PIK3R2: variants seen among roughly 807,000 people sequenced by gnomAD.
The protein encoded by PIK3R2 is phosphatidylinositol 3-kinase regulatory subunit beta.
In PIK3R2, 40 loss-of-function variants were observed where a neutral mutation model predicts 78.5. The observed-to-expected ratio is 0.51, with a 90% CI of 0.40 to 0.66. PIK3R2 has a LOEUF of 0.66. PIK3R2 is among the 30% of genes least tolerant of loss of function. The pLI, the probability that PIK3R2 is intolerant of heterozygous loss-of-function variation, is 0.00. For synonymous variants in PIK3R2, 473 were observed against 457.7 expected, an observed-to-expected ratio of 1.03 and a Z score of -0.43; for missense variants, 880 against 1,026.6, an observed-to-expected ratio of 0.86 and a Z score of 1.95.
Position 18,161,196 on chromosome 19 carries a change from C to A in PIK3R2, c.598+11C>A, listed in dbSNP as rs749574353. ...GCCGGGCCCTGCGGGGTGAGCCTGG[C>A]GGGTAGCCCGGGGGAAGGAGGGGGC... is the stretch of plus-strand genomic sequence containing the variant. On this transcript the variant is annotated intron_variant, in intron 5 of 15. Transcript: ENST00000222254. This position sits in a 1 kb window ranked among gnomAD's most constrained non-coding sequence, Gnocchi z 5.3. 1.9e-6 allele frequency: 3 copies of A among 1,540,874 alleles called. No homozygotes were observed. Among genetic ancestry groups the A allele is most frequent in the Non-Finnish European group, 2.6e-6 (3 of 1,143,414 alleles).
intron 3 of PIK3R2, 21 bp from the exon 4 acceptor site, chr19:18,160,898 G>A (rs751803439): frequency 1.9e-6 from 3 of 1,598,754 alleles, no homozygotes; most frequent in African/African-American, 1.3e-5. Context: ...GAGCTGACTC[G>A]CCTGTCCCCT....
Position 18,167,756 on chromosome 19 carries a change from T to C in PIK3R2, c.1736+450T>C, listed in dbSNP as rs1243851371. Among the ~76,000 whole-genome samples the C allele has an allele frequency of 6.6e-6, 1 of 151,914 alleles. No homozygotes were observed. The highest frequency in any genetic ancestry group is 1.5e-5 in the Non-Finnish European group (1 of 68,002). ...GGTGGGCGCCTGTAATCCCAGTTACTCAAGAGGCTGAGGCAGGAGAATCAC... is the reference window on the plus strand; with the variant it reads ...GGTGGGCGCCTGTAATCCCAGTTACCCAAGAGGCTGAGGCAGGAGAATCAC... On this transcript the variant is annotated intron_variant, in intron 13 of 15. Transcript: ENST00000222254. This position sits in a 1 kb window ranked among gnomAD's most constrained non-coding sequence, Gnocchi z 4.5.
In PIK3R2 at chr19:18,168,840, T is replaced by A. The variant is rs749442076; in HGVS notation, c.1923T>A (p.Asp641Glu). The change falls in exon 15 of 16, where the codon GAT (aspartate) becomes GAA (glutamate). Residue 641 changes from aspartate to glutamate, a missense_variant. Asp to Glu is a conservative substitution (Grantham distance 45). Transcript: ENST00000222254. This position sits in a 1 kb window ranked among gnomAD's most constrained non-coding sequence, Gnocchi z 4.1. Reference sequence around the variant, plus strand: ...AGGAGATGCTGAGTGGCAAGCGGGATGGCACCTTCCTCATCCGCGAGAGCA... The same window carrying A: ...AGGAGATGCTGAGTGGCAAGCGGGAAGGCACCTTCCTCATCCGCGAGAGCA... ...QAEEMLSGKR[D>E]GTFLIRESSQ... is the part of the protein sequence containing the mutation. 6.2e-7 allele frequency: 1 copy of A among 1,613,816 alleles called. No individual in the cohort carries two copies. The highest frequency in any genetic ancestry group is 2.2e-5 in the East Asian group (1 of 44,858).
Position 18,160,930 on chromosome 19 carries a change from G to A in PIK3R2, c.427G>A (p.Glu143Lys), listed in dbSNP as rs561325993. 3.7e-6 allele frequency: 6 copies of A among 1,610,590 alleles called. No homozygotes were observed. Among genetic ancestry groups the A allele is most frequent in the South Asian group, 3.3e-5 (3 of 90,476 alleles). The stretch of plus-strand genomic sequence containing the variant: ...CCCTTCACCCCCAGGGCTGGACAGC[G>A]AATCTCACTACCGCCCGGAGCTGCC... ...EAIERTGLDSESHYRPELPAP... is the reference protein window; with the variant it reads ...EAIERTGLDSKSHYRPELPAP... Residue 143 changes from glutamate (E) to lysine (K), a missense_variant, in exon 4 of 16, where the codon GAA (glutamate) becomes AAA (lysine). By Grantham distance (56) the Glu-to-Lys change is moderately conservative. This residue lies in a region of PIK3R2 where 456 missense variants were observed against 486.6 expected (regional missense o/e 0.94). Coordinates refer to ENST00000222254, the MANE Select transcript of PIK3R2 (RefSeq NM_005027.4).
rs2043747579 is a variant in PIK3R2 at position 18,161,593 on chromosome 19, G to A, written c.815+98G>A. Reference sequence around the variant, plus strand: ...GAGCGGCGTCTAGACCCTAAGAAGGGAGGGGATGGGGTCCAGAGTGAGAAG... The same window carrying A: ...GAGCGGCGTCTAGACCCTAAGAAGGAAGGGGATGGGGTCCAGAGTGAGAAG... On this transcript the variant is annotated intron_variant, in intron 6 of 15. Transcript: ENST00000222254. This position sits in a 1 kb window ranked among gnomAD's most constrained non-coding sequence, Gnocchi z 5.3. The A allele has an allele frequency of 2.2e-6, 1 of 460,770 alleles. No homozygotes were observed. Among genetic ancestry groups the A allele is most frequent in the East Asian group, 4.1e-5 (1 of 24,318 alleles). The allele number at this position is 460,770 out of a possible 1,614,324, so 28.5% of individuals were successfully genotyped here. A position where few individuals can be genotyped will look rare whatever the true frequency, so the allele number is the denominator to read the frequency against.
Position 18,167,799 on chromosome 19 carries a change from GT to G in PIK3R2, c.1736+496del, listed in dbSNP as rs2043824666. Among the ~76,000 whole-genome samples the G allele has an allele frequency of 6.6e-6, 1 of 152,124 alleles. No individual in the cohort carries two copies. The highest frequency in any genetic ancestry group is 1.5e-5 in the Non-Finnish European group (1 of 68,016). On this transcript the variant is annotated intron_variant, in intron 13 of 15. Transcript: ENST00000222254. The surrounding 1 kb of genome is among the most constrained non-coding windows in gnomAD (Gnocchi z 4.5). Reference sequence around the variant, plus strand: ...AGAATCACTTGAACGGGGAGGTGGAGTTTGCAGTGAGCAGAGATTATGCCAA... The same window carrying G: ...AGAATCACTTGAACGGGGAGGTGGAGTTGCAGTGAGCAGAGATTATGCCAA...
intron 12 of PIK3R2, among the ~76,000 whole-genome samples, chr19:18,166,659 G>A (rs994592889): frequency 7.6e-5 from 11 of 145,212 alleles, no homozygotes; most frequent in Admixed American, 1.4e-4. Context: ...GCAGTGAGCC[G>A]AGATTGCACC....
At position 18,156,743 on chromosome 19, in the gene PIK3R2, G is replaced by A. The variant is rs924540298; in HGVS notation, c.322+542G>A. Among the ~76,000 whole-genome samples the A allele has an allele frequency of 3.3e-5, 5 of 152,152 alleles. No individual in the cohort carries two copies. Among genetic ancestry groups the A allele is most frequent in the African/African-American group, 1.2e-4 (5 of 41,406 alleles). On this transcript the variant is annotated intron_variant, in intron 2 of 15. Coordinates refer to ENST00000222254, the MANE Select transcript of PIK3R2 (RefSeq NM_005027.4). The surrounding 1 kb of genome is among the most constrained non-coding windows in gnomAD (Gnocchi z 4.2). The stretch of plus-strand genomic sequence containing the variant: ...TGAAGCCACAAGGAGGGTAGGATGT[G>A]GGCTGCTCAGCTGAGGCCACACAGC...
chr19:18,167,151 G>T lies in PIK3R2; in HGVS notation c.1581G>T (p.Arg527=), dbSNP rs1224981567. Reference sequence around the variant, plus strand: ...ACAGGATCCTGCTGAACTCCGAGCGGCTCAAGTCCCGCATTGCCGAGATCC... The same window carrying T: ...ACAGGATCCTGCTGAACTCCGAGCGTCTCAAGTCCCGCATTGCCGAGATCC... ...EMQRILLNSE[R]LKSRIAEIHE... Residue 527 remains arginine, a synonymous_variant, in exon 13 of 16, where the codon CGG becomes CGT. Coordinates refer to ENST00000222254, the MANE Select transcript of PIK3R2 (RefSeq NM_005027.4). This position sits in a 1 kb window ranked among gnomAD's most constrained non-coding sequence, Gnocchi z 4.5. The T allele has an allele frequency of 6.3e-7, 1 of 1,598,458 alleles. No individual in the cohort carries two copies. Among genetic ancestry groups the T allele is most frequent in the Non-Finnish European group, 8.5e-7 (1 of 1,171,786 alleles).
Position 18,168,777 on chromosome 19 carries a change from C to G in PIK3R2, c.1860C>G (p.Arg620=). The part of the protein sequence containing the change: ...DEDDLPHHEE[R]TWYVGKINRT... ...ACGATCTCCCGCACCACGAGGAACG[C>G]ACTTGGTACGTGGGCAAGATCAACC... The change falls in exon 15 of 16, where the codon CGC becomes CGG. Residue 620 remains arginine (R), a synonymous_variant. Transcript: ENST00000222254. The surrounding 1 kb of genome is among the most constrained non-coding windows in gnomAD (Gnocchi z 4.1). 6.2e-7 allele frequency: 1 copy of G among 1,613,950 alleles called. No homozygotes were observed. Among genetic ancestry groups the G allele is most frequent in the South Asian group, 1.1e-5 (1 of 91,082 alleles).
Position 18,156,155 on chromosome 19 carries a change from C to T in PIK3R2, c.276C>T (p.Gly92=), listed in dbSNP as rs912422485. 6.9e-7 allele frequency: 1 copy of T among 1,454,458 alleles called. No individual in the cohort carries two copies. The highest frequency in any genetic ancestry group is 9.0e-7 in the Non-Finnish European group (1 of 1,108,162). 90.1% of individuals were successfully genotyped at this position (1,454,458 alleles called of 1,614,324 possible). ...CCCGGCCCGGCCCTCGCCCACGGGG[C>T]CCCCGCCCACTGCCCGCCAGGCCCC... is the stretch of plus-strand genomic sequence containing the variant. The part of the protein sequence containing the change: ...ALARPGPRPR[G]PRPLPARPRD... Residue 92 remains glycine (G), a synonymous_variant, in exon 2 of 16, where the codon GGC becomes GGT. Transcript: ENST00000222254. This position sits in a 1 kb window ranked among gnomAD's most constrained non-coding sequence, Gnocchi z 4.2.
intron 11 of PIK3R2, among the ~76,000 whole-genome samples, chr19:18,164,329 C>T (rs2043784623): frequency 6.6e-6 from 1 of 151,852 alleles, no homozygotes; most frequent in African/African-American, 2.4e-5. Flanking sequence ...CTTATGTCCC[C>T]TTCAACCAAG....
At position 18,168,416 on chromosome 19, in the gene PIK3R2, C is replaced by T. The variant is rs1310504289; in HGVS notation, c.1737-59C>T. On this transcript the variant is annotated intron_variant, in intron 13 of 15. Coordinates refer to ENST00000222254, the MANE Select transcript of PIK3R2 (RefSeq NM_005027.4). The surrounding 1 kb of genome is among the most constrained non-coding windows in gnomAD (Gnocchi z 4.1). ...AGACCCTGCCTCCCACCGGACAGGC[C>T]CACTGTGGGCTCAGCACCCACACAA... 3 of 758,352 alleles carry T rather than the reference C, an allele frequency of 4.0e-6. No homozygotes were observed. The highest frequency in any genetic ancestry group is 3.4e-5 in the African/African-American group (2 of 58,814). The allele number at this position is 758,352 out of a possible 1,614,324, so 47.0% of individuals were successfully genotyped here. A position where few individuals can be genotyped will look rare whatever the true frequency, so the allele number is the denominator to read the frequency against.
Position 18,168,990 on chromosome 19 carries a change from T to C in PIK3R2, c.1979+94T>C. 2.6e-6 allele frequency: 4 copies of C among 1,558,606 alleles called. No individual in the cohort carries two copies. Among genetic ancestry groups the C allele is most frequent in the Non-Finnish European group, 2.6e-6 (3 of 1,142,380 alleles). ...CCAGGCCTTGGGAAGGAGTCCCTGG[T>C]GGGGTCATCCGGGACAGGGGAGCAC... On this transcript the variant is annotated intron_variant, in intron 15 of 15. Coordinates refer to ENST00000222254, the MANE Select transcript of PIK3R2 (RefSeq NM_005027.4). The surrounding 1 kb of genome is among the most constrained non-coding windows in gnomAD (Gnocchi z 4.1).
At chr19:18,160,991 G>A (rs2147949915) in intron 4 of PIK3R2, 22 bp downstream of exon 4, 1 of 1,612,780 alleles carries the variant, frequency 6.2e-7, no homozygotes, top group South Asian at 1.1e-5. Flanking sequence ...CCTCAATGGG[G>A]TTGGGAGGAG....
At position 18,168,850 on chromosome 19, in the gene PIK3R2, C is replaced by T. The variant is rs1344467998; in HGVS notation, c.1933C>T (p.Leu645Phe). Reference protein sequence around the residue: ...MLSGKRDGTFLIRESSQRGCY... With the variant: ...MLSGKRDGTFFIRESSQRGCY... ...GAGTGGCAAGCGGGATGGCACCTTC[C>T]TCATCCGCGAGAGCAGCCAGCGGGG... is the stretch of plus-strand genomic sequence containing the variant. Residue 645 changes from leucine (L) to phenylalanine (F), a missense_variant, in exon 15 of 16, where the codon CTC (leucine) becomes TTC (phenylalanine). Coordinates refer to ENST00000222254, the MANE Select transcript of PIK3R2 (RefSeq NM_005027.4). The surrounding 1 kb of genome is among the most constrained non-coding windows in gnomAD (Gnocchi z 4.1). The T allele has an allele frequency of 1.2e-6, 2 of 1,613,602 alleles. No homozygotes were observed. The highest frequency in any genetic ancestry group is 1.1e-5 in the South Asian group (1 of 91,044).
At chr19:18,165,988 G>A in intron 11 of PIK3R2, 172 bp from the exon 12 acceptor site, 1 of 827,008 alleles carries the variant, frequency 1.2e-6, no homozygotes, top group East Asian at 2.4e-5. Flanking sequence ...GGGGGGTGGG[G>A]TTTTGAAGGC....
intron 11 of PIK3R2, among the ~76,000 whole-genome samples, chr19:18,165,362 CAAAA>C (rs33933785): frequency 1.2e-5 from 1 of 81,016 alleles, no homozygotes; most frequent in African/African-American, 5.2e-5. Flanking sequence ...GACTCCGTCT[CAAAA>C]AAAAAAAAAA....
Position 18,155,835 on chromosome 19 carries a change from C to A in PIK3R2, c.-45C>A. On this transcript the variant is annotated 5_prime_UTR_variant, in exon 2 of 16. Coordinates refer to ENST00000222254, the MANE Select transcript of PIK3R2 (RefSeq NM_005027.4). The stretch of plus-strand genomic sequence containing the variant: ...TCAACCAATGGGGCCAGTGGGGCTC[C>A]AAGCAGCCACCTAACCATCCAGACC... The A allele has an allele frequency of 6.7e-7, 1 of 1,488,514 alleles. No homozygotes were observed. The allele number at this position is 1,488,514 out of a possible 1,614,324, so 92.2% of individuals were successfully genotyped here.
Sources: gnomAD v4.1 joint callset for allele counts (sites outside exome capture counted in the v4.1 genomes callset) on GRCh38, gnomAD v4.1.1 for gene constraint, gnomAD v4.1.1 regional missense constraint, Gnocchi (gnomAD v3.1) non-coding constraint, MANE v1.5 for transcripts, NCBI Gene and HGNC (gene_info 2026-07-23, HGNC 2026-07-21) for gene names.